Variants in DHRSX observed in about 807,000 individuals in gnomAD.
DHRSX encodes the protein dehydrogenase/reductase X-linked, also known as polyprenol dehydrogenase.
DHRSX carries 31 observed loss-of-function variants against 34.0 expected under a neutral mutation model. The ratio of observed to expected loss-of-function variants is 0.91; its 90% confidence interval spans 0.69 to 1.23. The LOEUF is 1.23. DHRSX is among the 50% of genes most tolerant of loss of function. The pLI, the probability that DHRSX is intolerant of heterozygous loss-of-function variation, is 0.00. For missense variants in DHRSX, 414 were observed against 428.1 expected, an observed-to-expected ratio of 0.97 and a Z score of 0.29; for synonymous variants, 201 against 183.8, an observed-to-expected ratio of 1.09 and a Z score of -0.76.
intron 2 of DHRSX, among the ~76,000 whole-genome samples, chrX:2,416,771 A>G (rs1460348505): frequency 6.6e-6 from 1 of 152,198 alleles, no homozygotes; most frequent in Non-Finnish European, 1.5e-5. Context: ...AACAACTGAT[A>G]TATGTGTCTA....
chrX:2,355,182 T>A (rs2042833355), intron 3 of DHRSX, among the ~76,000 whole-genome samples: 1 of 151,786 alleles, frequency 6.6e-6, no homozygotes, highest in African/African-American at 2.4e-5. Context: ...TAAAAGAGAT[T>A]TAAAGGTAAA....
chrX:2,255,758 C>T (rs66494883), intron 5 of DHRSX, among the ~76,000 whole-genome samples: 39,568 of 150,342 alleles, frequency 0.26, 6,951 homozygotes, highest in African/African-American at 0.48. Context: ...AAAAAAAAAA[C>T]ACAAAAATTA....
intron 3 of DHRSX, among the ~76,000 whole-genome samples, chrX:2,403,697 A>C (rs893972789): frequency 6.6e-6 from 1 of 152,084 alleles, no homozygotes; most frequent in African/African-American, 2.4e-5. Context: ...TCTACTAAAA[A>C]TACAAAAAAT....
chrX:2,379,030 C>A (rs2043174316), intron 3 of DHRSX, among the ~76,000 whole-genome samples: 1 of 152,076 alleles, frequency 6.6e-6, no homozygotes, highest in Non-Finnish European at 1.5e-5. Flanking sequence ...GCAATAATGA[C>A]CTGCCTCATG....
intron 3 of DHRSX, among the ~76,000 whole-genome samples, chrX:2,407,815 C>T (rs1166566034): frequency 6.6e-6 from 1 of 152,150 alleles, no homozygotes; most frequent in African/African-American, 2.4e-5. Flanking sequence ...TGAGAAATTA[C>T]CTCTCGGGTA....
intron 3 of DHRSX, among the ~76,000 whole-genome samples, chrX:2,324,639 C>G (rs2042354746): frequency 6.6e-6 from 1 of 152,092 alleles, no homozygotes; most frequent in Non-Finnish European, 1.5e-5. Context: ...CTAATACAGT[C>G]ATGATACTCG....
At chrX:2,348,235 T>C (rs1395314996) in intron 3 of DHRSX, among the ~76,000 whole-genome samples, 1 of 152,194 alleles carries the variant, frequency 6.6e-6, no homozygotes, top group African/African-American at 2.4e-5. Flanking sequence ...GATAGGAAGC[T>C]GGCATCCTGG....
chrX:2,222,367 G>C (rs1039246397), intron 6 of DHRSX, among the ~76,000 whole-genome samples: 18 of 152,222 alleles, frequency 1.2e-4, no homozygotes, highest in Non-Finnish European at 2.6e-4. Context: ...GACATGGTTG[G>C]TGTTTCTGGT....
intron 1 of DHRSX, among the ~76,000 whole-genome samples, chrX:2,429,391 T>C (rs1270504600): frequency 1.3e-5 from 2 of 151,992 alleles, no homozygotes; most frequent in Non-Finnish European, 2.9e-5. Context: ...TAAAGAAATC[T>C]CTAAAATCTT....
intron 1 of DHRSX, among the ~76,000 whole-genome samples, chrX:2,478,378 G>A (rs2044713215): frequency 6.6e-6 from 1 of 152,168 alleles, no homozygotes; most frequent in Admixed American, 6.5e-5. Flanking sequence ...ACACTCAGAA[G>A]AATGTGGCAG....
At chrX:2,238,077 C>A (rs1038856568) in intron 6 of DHRSX, among the ~76,000 whole-genome samples, 114 of 152,188 alleles carry the variant, frequency 7.5e-4, no homozygotes, top group African/African-American at 2.6e-3. Flanking sequence ...AACCTCTCAT[C>A]TTTATAAATG....
chrX:2,327,692 TCAC>T (rs2042402899), intron 3 of DHRSX, among the ~76,000 whole-genome samples: 4 of 152,236 alleles, frequency 2.6e-5, no homozygotes, highest in African/African-American at 7.2e-5. Context: ...CCTCAGAATG[TCAC>T]CATATTTGGA....
At chrX:2,496,325 A>G (rs2045284731) in intron 1 of DHRSX, among the ~76,000 whole-genome samples, 1 of 151,980 alleles carries the variant, frequency 6.6e-6, no homozygotes, top group Admixed American at 6.6e-5. Context: ...CAGCCTCCCA[A>G]GTAGCTGGGA....
At chrX:2,414,794 A>G (rs1294314395) in intron 2 of DHRSX, among the ~76,000 whole-genome samples, 4 of 152,102 alleles carry the variant, frequency 2.6e-5, no homozygotes, top group African/African-American at 9.7e-5. Context: ...TCATGACCCA[A>G]TACAAGTAGA....
At chrX:2,359,803 C>G (rs1465673279) in intron 3 of DHRSX, among the ~76,000 whole-genome samples, 6 of 152,082 alleles carry the variant, frequency 3.9e-5, no homozygotes, top group Non-Finnish European at 2.9e-5. Context: ...GGCGATTATC[C>G]TCAGCAAACT....
chrX:2,489,720 C>T lies in DHRSX; in HGVS notation c.109+11097G>A. On this transcript the variant is annotated intron_variant, in intron 1 of 6. Coordinates refer to ENST00000334651, the MANE Select transcript of DHRSX (RefSeq NM_145177.3). Reference sequence around the variant, plus strand: ...GCCACGTTCTGCTGCTTCTGCTTCTCATAGAGCATGTACATGGCCACGGCA... The same window carrying T: ...GCCACGTTCTGCTGCTTCTGCTTCTTATAGAGCATGTACATGGCCACGGCA... 1.9e-6 allele frequency: 3 copies of T among 1,613,010 alleles called. No individual in the cohort carries two copies. The East Asian group carries it at 6.7e-5, about 36-fold the overall frequency.
chrX:2,393,741 C>T lies in DHRSX; in HGVS notation c.286+15004G>A, dbSNP rs772340987. Reference sequence around the variant, plus strand: ...GGGACCTCCCCGTCTCCTGCACACACGACACACAGGGACCTCCCCATCTCC... The same window carrying T: ...GGGACCTCCCCGTCTCCTGCACACATGACACACAGGGACCTCCCCATCTCC... On this transcript the variant is annotated intron_variant, in intron 3 of 6. Transcript: ENST00000334651. Among the ~76,000 whole-genome samples, 100 of 73,896 alleles carry T rather than the reference C, an allele frequency of 1.4e-3. 5 individuals carry two copies. Among genetic ancestry groups the T allele is most frequent in the African/African-American group, 4.6e-3 (95 of 20,632 alleles). The allele number at this position is 73,896 out of a possible 152,430, so 48.5% of individuals were successfully genotyped here. A position where few individuals can be genotyped will look rare whatever the true frequency, so the allele number is the denominator to read the frequency against.
At chrX:2,227,488 C>T (rs2015699700) in intron 6 of DHRSX, among the ~76,000 whole-genome samples, 1 of 116,402 alleles carries the variant, frequency 8.6e-6, no homozygotes, top group Non-Finnish European at 1.7e-5. Context: ...GAGAACAAGA[C>T]AGAAAAGAGG....
At position 2,295,367 on chromosome X, in the gene DHRSX, T is replaced by C. The variant is rs181048767; in HGVS notation, c.287-3764A>G. Among the ~76,000 whole-genome samples the C allele has an allele frequency of 1.9e-3, 284 of 152,212 alleles. 2 individuals are homozygous for C. The highest frequency in any genetic ancestry group is 0.01 in the Middle Eastern group (3 of 294). On this transcript the variant is annotated intron_variant, in intron 3 of 6. Transcript: ENST00000334651. ...GCATGTTCTCACTCATCAGTGGAAG[T>C]TGAACAATGAGAACACATGGACACA... is the stretch of plus-strand genomic sequence containing the variant.
Sources: allele counts gnomAD v4.1 joint callset (sites outside exome capture counted in the v4.1 genomes callset), GRCh38; gene constraint gnomAD v4.1.1; transcripts MANE v1.5; gene names NCBI Gene and HGNC (gene_info 2026-07-23, HGNC 2026-07-21).